ZFHX3: variants seen among roughly 807,000 people sequenced by gnomAD.
The protein encoded by ZFHX3 is zinc finger homeobox 3, also known as zinc finger homeobox protein 3.
In ZFHX3, 42 loss-of-function variants were observed where a neutral mutation model predicts 279.1. That is an observed-to-expected ratio of 0.15 (90% CI 0.12 to 0.19). The LOEUF is 0.19. ZFHX3 is among the 10% of genes least tolerant of loss of function. ZFHX3 has a pLI of 1.00. For missense variants in ZFHX3, 4,981 were observed against 4,754.0 expected, an observed-to-expected ratio of 1.05 and a Z score of -1.40; for synonymous variants, 2,293 against 1,957.8, an observed-to-expected ratio of 1.17 and a Z score of -4.52.
intron 1 of ZFHX3, among the ~76,000 whole-genome samples, chr16:73,023,332 C>G (rs903887583): frequency 6.6e-6 from 1 of 152,212 alleles, no homozygotes; most frequent in African/African-American, 2.4e-5. Context: ...CGCACAGAGA[C>G]TGCCTGGAGG....
chr16:73,543,252 C>A (rs540411732), intron 2 of ZFHX3, among the ~76,000 whole-genome samples: 1 of 152,274 alleles, frequency 6.6e-6, no homozygotes, highest in Non-Finnish European at 1.5e-5. Context: ...CTCAGGATGA[C>A]CAGATTATCA....
At chr16:73,554,251 T>A (rs1172516958) in intron 2 of ZFHX3, 3 of 152,204 alleles carry the variant, frequency 2.0e-5, no homozygotes, top group African/African-American at 4.8e-5. Flanking sequence ...AGAACGATTT[T>A]TTTTTCTTTT....
intron 3 of ZFHX3, among the ~76,000 whole-genome samples, chr16:73,378,388 T>C (rs1406873350): frequency 6.6e-6 from 1 of 152,214 alleles, no homozygotes; most frequent in Non-Finnish European, 1.5e-5. Flanking sequence ...TTGTAAAATA[T>C]TTGTTTTTGT....
intron 5 of ZFHX3, among the ~76,000 whole-genome samples, chr16:73,153,658 T>C (rs113369400): frequency 8.1e-4 from 124 of 152,186 alleles, no homozygotes; most frequent in African/African-American, 2.9e-3. Context: ...TTTTATTTTA[T>C]TTTATTTTTT....
intron 1 of ZFHX3, among the ~76,000 whole-genome samples, chr16:73,857,191 C>G (rs1401315713): frequency 6.6e-6 from 1 of 152,118 alleles, no homozygotes; most frequent in Non-Finnish European, 1.5e-5. Context: ...CTCATAAAAC[C>G]AATTCAGCTT....
intron 3 of ZFHX3, among the ~76,000 whole-genome samples, chr16:73,334,271 G>T (rs975534821): frequency 1.3e-5 from 2 of 152,088 alleles, no homozygotes; most frequent in Admixed American, 6.5e-5. Flanking sequence ...GGGAGAAGAG[G>T]CTGTTGAATT....
At chr16:72,951,219 C>T (rs1035792088) in intron 2 of ZFHX3, among the ~76,000 whole-genome samples, 6 of 152,244 alleles carry the variant, frequency 3.9e-5, no homozygotes, top group East Asian at 1.9e-4. Context: ...AGGAAAAGAA[C>T]ACCTAGAAAA....
intron 3 of ZFHX3, among the ~76,000 whole-genome samples, chr16:73,351,741 C>A (rs1264466666): frequency 6.6e-6 from 1 of 152,218 alleles, no homozygotes; most frequent in Non-Finnish European, 1.5e-5. Context: ...TCAAAGCCTT[C>A]TTGGCAGCAC....
At chr16:73,274,234 T>C (rs1274815870) in intron 4 of ZFHX3, among the ~76,000 whole-genome samples, 1 of 152,256 alleles carries the variant, frequency 6.6e-6, no homozygotes, top group African/African-American at 2.4e-5. Flanking sequence ...GTGTAATTCT[T>C]TGCCAGGGAT....
intron 1 of ZFHX3, among the ~76,000 whole-genome samples, chr16:73,848,093 C>T (rs527686612): frequency 5.9e-5 from 9 of 151,858 alleles, no homozygotes; most frequent in African/African-American, 9.7e-5. Flanking sequence ...TAAGGCCCAC[C>T]GGAAGAGTAA....
At chr16:72,836,829 C>T (rs750762571) in intron 4 of ZFHX3, among the ~76,000 whole-genome samples, 4 of 152,066 alleles carry the variant, frequency 2.6e-5, no homozygotes, top group Admixed American at 2.0e-4. Context: ...CAGGAAACCT[C>T]GAAGGGGTGA....
At chr16:72,847,096 C>G (rs1013923430) in intron 4 of ZFHX3, among the ~76,000 whole-genome samples, 1 of 152,178 alleles carries the variant, frequency 6.6e-6, no homozygotes, top group African/African-American at 2.4e-5. Context: ...CTGCATGTCC[C>G]TTCTATGGAA....
At chr16:73,866,169 ATTTTTTTTTTTT>A (rs34324522) in intron 1 of ZFHX3, among the ~76,000 whole-genome samples, 4 of 74,642 alleles carry the variant, frequency 5.4e-5, no homozygotes, top group South Asian at 5.1e-4. Flanking sequence ...TGCCAGGCTA[ATTTTTTTTTTTT>A]TTTTTTTTTT....
chr16:73,095,726 T>C (rs1039974913), intron 7 of ZFHX3, among the ~76,000 whole-genome samples: 2 of 152,242 alleles, frequency 1.3e-5, no homozygotes, highest in African/African-American at 4.8e-5. Flanking sequence ...CATTTTACAT[T>C]TTAAATATTG....
intron 5 of ZFHX3, among the ~76,000 whole-genome samples, chr16:72,813,151 T>A (rs1184641232): frequency 6.6e-6 from 1 of 152,176 alleles, no homozygotes; most frequent in Non-Finnish European, 1.5e-5. Flanking sequence ...TGGGACTCCA[T>A]TTTTCAGAAT....
intron 3 of ZFHX3, among the ~76,000 whole-genome samples, chr16:73,442,365 T>C (rs924752939): frequency 6.6e-6 from 1 of 152,034 alleles, no homozygotes; most frequent in African/African-American, 2.4e-5. Context: ...TTTCCTCTTT[T>C]TTTTTTTTTC....
intron 2 of ZFHX3, among the ~76,000 whole-genome samples, chr16:73,525,115 G>A (rs2019669979): frequency 6.6e-6 from 1 of 152,198 alleles, no homozygotes; most frequent in Non-Finnish European, 1.5e-5. Context: ...GCAAACCAGC[G>A]ACATGAGGGC....
chr16:73,453,737 A>G (rs1160801067), intron 3 of ZFHX3, among the ~76,000 whole-genome samples: 1 of 152,248 alleles, frequency 6.6e-6, no homozygotes, highest in Admixed American at 6.5e-5. Flanking sequence ...TCACAGTTCC[A>G]CATGGCTGGG....
At chr16:73,890,520 C>T (rs1003932996) in intron 1 of ZFHX3, among the ~76,000 whole-genome samples, 1 of 152,182 alleles carries the variant, frequency 6.6e-6, no homozygotes, top group Non-Finnish European at 1.5e-5. Context: ...CTTTGCCACC[C>T]AACCGATCTA....
Sources: allele counts gnomAD v4.1 joint callset (sites outside exome capture counted in the v4.1 genomes callset), GRCh38; gene constraint gnomAD v4.1.1; transcripts MANE v1.5; gene names NCBI Gene and HGNC (gene_info 2026-07-23, HGNC 2026-07-21).